Variants in MACROD2 observed in about 807,000 individuals in gnomAD.
The protein encoded by MACROD2 is mono-ADP ribosylhydrolase 2.
A neutral mutation model predicts 70.4 loss-of-function variants in MACROD2; 36 were observed. The ratio of observed to expected loss-of-function variants is 0.51; its 90% CI spans 0.39 to 0.68. The LOEUF (loss-of-function observed/expected upper bound fraction) is 0.68. Ranked by LOEUF, MACROD2 falls within the 30% of genes least tolerant of loss-of-function variation. MACROD2 has a pLI of 0.00. For missense variants in MACROD2, 496 were observed against 538.4 expected (o/e 0.92, Z 0.78); for synonymous variants, 172 against 178.8 (o/e 0.96, Z 0.30).
At chr20:16,015,561 AAAAG>A (rs2066918436) in intron 15 of MACROD2, among the ~76,000 whole-genome samples, 1 of 152,246 alleles carries the variant, frequency 6.6e-6, no homozygotes, top group South Asian at 2.1e-4. Context: ...TTCTACCAAA[AAAAG>A]AAATCACAAT....
chr20:15,288,269 T>C (rs2077509711), intron 6 of MACROD2, among the ~76,000 whole-genome samples: 1 of 152,198 alleles, frequency 6.6e-6, no homozygotes, highest in Admixed American at 6.5e-5. Context: ...ATGCCTCTGC[T>C]TTGCTTTCCT....
At chr20:15,578,756 G>A (rs2146641917) in intron 8 of MACROD2, among the ~76,000 whole-genome samples, 1 of 140,620 alleles carries the variant, frequency 7.1e-6, no homozygotes, top group Non-Finnish European at 1.6e-5. Flanking sequence ...AAAATCCGTT[G>A]AGCTGTGACT....
At chr20:14,311,372 G>T (rs567108663) in intron 3 of MACROD2, among the ~76,000 whole-genome samples, 1 of 152,130 alleles carries the variant, frequency 6.6e-6, no homozygotes, top group East Asian at 1.9e-4. Context: ...GGAGAAGTAG[G>T]GTATACCATA....
chr20:15,502,818 T>C (rs2047381064), intron 8 of MACROD2, among the ~76,000 whole-genome samples: 1 of 152,202 alleles, frequency 6.6e-6, no homozygotes, highest in African/African-American at 2.4e-5. Flanking sequence ...AAGGTATGTT[T>C]CTTGCTCACA....
chr20:14,708,809 G>C (rs1031877522), intron 5 of MACROD2, among the ~76,000 whole-genome samples: 1 of 152,000 alleles, frequency 6.6e-6, no homozygotes, highest in Non-Finnish European at 1.5e-5. Context: ...TAGTAGAGAC[G>C]GTGTTTCACT....
At chr20:14,349,014 G>T (rs2083092746) in intron 3 of MACROD2, among the ~76,000 whole-genome samples, 2 of 152,064 alleles carry the variant, frequency 1.3e-5, no homozygotes. Flanking sequence ...GTTACAGTGG[G>T]CCATGATCAC....
chr20:15,566,712 C>A (rs1239599132), intron 8 of MACROD2, among the ~76,000 whole-genome samples: 1 of 152,154 alleles, frequency 6.6e-6, no homozygotes, highest in Admixed American at 6.5e-5. Context: ...TTGCTTAGGC[C>A]AAGAAAACAT....
chr20:15,211,988 G>A (rs1355949252), intron 5 of MACROD2, among the ~76,000 whole-genome samples: 2 of 151,986 alleles, frequency 1.3e-5, no homozygotes, highest in Non-Finnish European at 2.9e-5. Flanking sequence ...GATGTATGAG[G>A]GTTTTAATTT....
intron 3 of MACROD2, among the ~76,000 whole-genome samples, chr20:14,453,400 G>A (rs953353377): frequency 2.0e-5 from 3 of 152,030 alleles, no homozygotes; most frequent in Non-Finnish European, 2.9e-5. Flanking sequence ...GCTTTGGAGT[G>A]CTTTTTTTCC....
At chr20:15,259,213 C>T (rs2077226909) in intron 6 of MACROD2, among the ~76,000 whole-genome samples, 1 of 147,380 alleles carries the variant, frequency 6.8e-6, no homozygotes. Flanking sequence ...AATTTAGGAG[C>T]AATAGCATAT....
chr20:14,731,684 A>T (rs1209453457), intron 5 of MACROD2, among the ~76,000 whole-genome samples: 2 of 152,152 alleles, frequency 1.3e-5, no homozygotes, highest in Admixed American at 1.3e-4. Context: ...GTCCAGGTTC[A>T]TGAGGTCAAC....
chr20:14,127,781 G>A (rs1419526213), intron 3 of MACROD2: 4 of 446,640 alleles, frequency 9.0e-6, no homozygotes, highest in East Asian at 1.1e-4. Context: ...GAGAAGAAGA[G>A]AAAGCAAAAG....
chr20:14,682,001 A>T (rs2070938286), intron 4 of MACROD2, among the ~76,000 whole-genome samples: 2 of 152,172 alleles, frequency 1.3e-5, no homozygotes, highest in African/African-American at 2.4e-5. Flanking sequence ...TGCCCAGCAC[A>T]TTGATGCATT....
At chr20:14,903,682 T>C (rs1402429520) in intron 5 of MACROD2, among the ~76,000 whole-genome samples, 1 of 152,068 alleles carries the variant, frequency 6.6e-6, no homozygotes, top group Admixed American at 6.6e-5. Flanking sequence ...TGACAAATAA[T>C]CCCCACATTT....
chr20:15,640,080 A>T (rs1451856173), intron 8 of MACROD2, among the ~76,000 whole-genome samples: 1 of 151,818 alleles, frequency 6.6e-6, no homozygotes, highest in East Asian at 1.9e-4. Flanking sequence ...AGAAGGTGAG[A>T]GAAAAAAGGA....
chr20:14,993,292 TTG>T (rs1287869868), intron 5 of MACROD2, among the ~76,000 whole-genome samples: 19 of 151,094 alleles, frequency 1.3e-4, no homozygotes, highest in African/African-American at 4.4e-4. Context: ...TGAAGGAAAA[TTG>T]TATGAGGGAG....
At chr20:14,495,990 A>T (rs2123111004) in intron 4 of MACROD2, among the ~76,000 whole-genome samples, 1 of 152,282 alleles carries the variant, frequency 6.6e-6, no homozygotes, top group Admixed American at 6.5e-5. Context: ...GATTGCTCTA[A>T]AACACGTGTC....
At chr20:15,177,093 C>T (rs145719963) in intron 5 of MACROD2, among the ~76,000 whole-genome samples, 2 of 152,170 alleles carry the variant, frequency 1.3e-5, no homozygotes, top group African/African-American at 4.8e-5. Context: ...ACTCACTTGC[C>T]CACACACCTC....
At chr20:15,061,847 T>G (rs2075535360) in intron 5 of MACROD2, among the ~76,000 whole-genome samples, 1 of 152,060 alleles carries the variant, frequency 6.6e-6, no homozygotes, top group Non-Finnish European at 1.5e-5. Context: ...ACCCGGAGGA[T>G]GGTAGGAAGG....
Sources: gnomAD v4.1 joint callset for allele counts (sites outside exome capture counted in the v4.1 genomes callset) on GRCh38, gnomAD v4.1.1 for gene constraint, MANE v1.5 for transcripts, NCBI Gene and HGNC (gene_info 2026-07-23, HGNC 2026-07-21) for gene names.